Variants in GLB1L3 observed in about 807,000 individuals in gnomAD.
The protein encoded by GLB1L3 is galactosidase beta 1 like 3, also known as beta-galactosidase-1-like protein 3.
A neutral mutation model predicts 89.5 loss-of-function variants in GLB1L3; 89 were observed. The ratio of observed to expected loss-of-function variants is 0.99; its 90% CI spans 0.84 to 1.19. GLB1L3 has a LOEUF of 1.19. Ranked by LOEUF, GLB1L3 falls within the 50% of genes most tolerant of loss-of-function variation. The pLI, the probability that GLB1L3 is intolerant of heterozygous loss-of-function variation, is 0.00. For synonymous variants in GLB1L3, 314 were observed against 312.3 expected, an observed-to-expected ratio of 1.01 and a Z score of -0.06; for missense variants, 812 against 813.3, an observed-to-expected ratio of 1.00 and a Z score of 0.02.
chr11:134,315,100 T>G (rs964674952), intron 18 of GLB1L3, among the ~76,000 whole-genome samples: 1 of 152,218 alleles, frequency 6.6e-6, no homozygotes, highest in Non-Finnish European at 1.5e-5. Context: ...CAGGGCATCT[T>G]TTTTAAATAT....
At chr11:134,315,678 T>G (rs563517065) in intron 18 of GLB1L3, among the ~76,000 whole-genome samples, 202 of 152,334 alleles carry the variant, frequency 1.3e-3, no homozygotes, top group Middle Eastern at 3.4e-3. Flanking sequence ...CGATGCACTC[T>G]TTTTTCTTGA....
At chr11:134,320,692 C>T (rs1943154357), downstream of GLB1L3, among the ~76,000 whole-genome samples, 1 of 150,038 alleles carries the variant, frequency 6.7e-6, no homozygotes, top group Admixed American at 6.7e-5. Context: ...AAAAAGAGCT[C>T]ACAACTTAGA....
At chr11:134,277,648 TC>T (rs746205817) in intron 2 of GLB1L3, 51 bp from the exon 3 acceptor site, 28 of 1,562,498 alleles carry the variant, frequency 1.8e-5, no homozygotes, top group Non-Finnish European at 2.4e-5. Flanking sequence ...CCGAGCCCTC[TC>T]CCGAATCCTC....
chr11:134,281,346 A>G, intron 3 of GLB1L3, 31 bp from the exon 4 acceptor site: 1 of 1,611,910 alleles, frequency 6.2e-7, no homozygotes, highest in South Asian at 1.1e-5. Context: ...ATAAGAAGAT[A>G]CTCATCATAC....
In GLB1L3 at chr11:134,277,354, G is replaced by T. The variant is rs751014594; in HGVS notation, c.52G>T (p.Gly18Cys). The change falls in exon 2 of 20, where the codon GGC becomes TGC. Residue 18 changes from glycine to cysteine, a missense_variant. Around this residue, in one of 3 missense-constraint regions of GLB1L3, gnomAD observed 191 missense variants for 191.4 expected, o/e 1.00. Coordinates refer to ENST00000431683, the MANE Select transcript of GLB1L3 (RefSeq NM_001080407.3). ...GTGTCTCTCCTGGAAGAGAATGGCG[G>T]GCATCTTTTTCCTGCCATTTATCTC... ...SPCLSWKRMAGIFFLPFISSG... is the reference protein window; with the variant it reads ...SPCLSWKRMACIFFLPFISSG... 5.0e-6 allele frequency: 8 copies of T among 1,613,922 alleles called. No homozygotes were observed. The highest frequency in any genetic ancestry group is 6.8e-6 in the Non-Finnish European group (8 of 1,179,874).
chr11:134,323,449 C>A (rs1943190516), downstream of GLB1L3, among the ~76,000 whole-genome samples: 1 of 151,818 alleles, frequency 6.6e-6, no homozygotes, highest in South Asian at 2.1e-4. Context: ...GTGGTGGGTG[C>A]ATGTAATCCC....
intron 7 of GLB1L3, among the ~76,000 whole-genome samples, chr11:134,291,586 G>A (rs559572272): frequency 4.1e-4 from 62 of 152,236 alleles, no homozygotes; most frequent in South Asian, 6.2e-4. Flanking sequence ...TACCCAATAT[G>A]ATGTAAATGC....
In GLB1L3 at chr11:134,307,165, G is replaced by T. The variant is rs761361083; in HGVS notation, c.918G>T (p.Trp306Cys). The T allele has an allele frequency of 1.9e-6, 3 of 1,613,778 alleles. No homozygotes were observed. Among genetic ancestry groups the T allele is most frequent in the Non-Finnish European group, 1.7e-6 (2 of 1,179,792 alleles). Reference sequence around the variant, plus strand: ...TGATTATGGAATACTGGGTCGGCTGGTTCGACAGATGGGGAGATAAGCACC... The same window carrying T: ...TGATTATGGAATACTGGGTCGGCTGTTTCGACAGATGGGGAGATAAGCACC... Reference protein sequence around the residue: ...PLLIMEYWVGWFDRWGDKHHV... With the variant: ...PLLIMEYWVGCFDRWGDKHHV... The change falls in exon 10 of 20, where the codon TGG (tryptophan) becomes TGT (cysteine). Residue 306 changes from tryptophan (W) to cysteine (C), a missense_variant. Transcript: ENST00000431683.
In GLB1L3 at chr11:134,318,619, C is replaced by A; in HGVS notation, c.1780-12C>A. 2.6e-6 allele frequency: 4 copies of A among 1,536,702 alleles called. No individual in the cohort carries two copies. Among genetic ancestry groups the A allele is most frequent in the Non-Finnish European group, 3.6e-6 (4 of 1,113,078 alleles). ...AACCAATTTCCAAATCTCAAGCCAC[C>A]ATTCCTTTCAGAACTGGAATTATGG... On this transcript the variant is annotated splice_polypyrimidine_tract_variant and intron_variant, in intron 18 of 19. Coordinates refer to ENST00000431683, the MANE Select transcript of GLB1L3 (RefSeq NM_001080407.3).
intron 14 of GLB1L3, 73 bp from the exon 15 acceptor site, chr11:134,312,743 C>G: frequency 7.8e-7 from 1 of 1,288,686 alleles, no homozygotes; most frequent in Non-Finnish European, 1.1e-6. Context: ...ACCTCCTTCT[C>G]CCGAAACCGC....
chr11:134,276,807 C>T (rs1441387469), intron 1 of GLB1L3, 44 bp downstream of exon 1: 1 of 1,367,686 alleles, frequency 7.3e-7, no homozygotes. Context: ...ACCACCCCGG[C>T]GCGTGCCCGG....
intron 9 of GLB1L3, 49 bp downstream of exon 9, chr11:134,293,258 C>T (rs1374074793): frequency 2.1e-6 from 3 of 1,427,208 alleles, no homozygotes; most frequent in African/African-American, 2.8e-5. Flanking sequence ...CTACCATGAC[C>T]TCCCTTGCCT....
chr11:134,324,884 T>C, the GLB1L3 span, among the ~76,000 whole-genome samples: 2 of 152,050 alleles, frequency 1.3e-5, no homozygotes, highest in Non-Finnish European at 2.9e-5. Flanking sequence ...TGTGTTAATA[T>C]ATATTTATTA....
intron 8 of GLB1L3, 21 bp from the exon 9 acceptor site, chr11:134,293,124 G>C: frequency 6.2e-7 from 1 of 1,609,934 alleles, no homozygotes; most frequent in Non-Finnish European, 8.5e-7. Flanking sequence ...CCTCAGCTGG[G>C]TCTCTCTCTT....
chr11:134,292,001 TA>T (rs1941387459), intron 7 of GLB1L3, 130 bp from the exon 8 acceptor site: 1 of 664,376 alleles, frequency 1.5e-6, no homozygotes. Context: ...ATTAAAAAAG[TA>T]AAAACATATT....
At chr11:134,290,346 G>T (rs1038288893) in intron 7 of GLB1L3, among the ~76,000 whole-genome samples, 6 of 152,166 alleles carry the variant, frequency 3.9e-5, no homozygotes, top group Admixed American at 3.3e-4. Flanking sequence ...GCTGAGGTGG[G>T]TGGATCACCT....
At chr11:134,288,669 T>C (rs1313463105) in intron 6 of GLB1L3, 129 bp from the exon 7 acceptor site, 2 of 620,632 alleles carry the variant, frequency 3.2e-6, no homozygotes, top group Non-Finnish European at 5.6e-6. Flanking sequence ...GAGCAGAGCG[T>C]GCAGACCACA....
At chr11:134,308,266 C>T (rs1316632871) in intron 10 of GLB1L3, among the ~76,000 whole-genome samples, 1 of 46,472 alleles carries the variant, frequency 2.2e-5, no homozygotes, top group South Asian at 9.5e-4. Flanking sequence ...CCACCACCAC[C>T]ACCACCACCA....
intron 6 of GLB1L3, among the ~76,000 whole-genome samples, chr11:134,284,924 C>CTTTTTTTTTTTT (rs536491197): frequency 1.4e-5 from 1 of 73,990 alleles, no homozygotes. Context: ...CATGCATTGC[C>CTTTTTTTTTTTT]TTTTTTTTTT....
Sources: allele counts gnomAD v4.1 joint callset (sites outside exome capture counted in the v4.1 genomes callset), GRCh38; gene constraint gnomAD v4.1.1; regional missense constraint gnomAD v4.1.1; transcripts MANE v1.5; gene names NCBI Gene and HGNC (gene_info 2026-07-23, HGNC 2026-07-21).